Variants in RXRG observed in about 807,000 individuals in gnomAD.
RXRG encodes retinoid X receptor gamma, also known as retinoic acid receptor RXR-gamma.
RXRG carries 19 observed loss-of-function variants against 49.2 expected under a neutral mutation model. That is an observed-to-expected ratio of 0.39 (90% CI 0.27 to 0.57). RXRG has a LOEUF of 0.57. Among genes scored for constraint, RXRG ranks in the 20% least tolerant of loss-of-function variants. The probability of loss-of-function intolerance (pLI) is 0.64; values close to 1 mark genes in which losing one functional copy is unlikely to be tolerated. For missense variants in RXRG, 452 were observed against 592.5 expected (o/e 0.76, Z 2.46); for synonymous variants, 224 against 216.6 (o/e 1.03, Z -0.30).
At chr1:165,406,358 G>A (rs1471739502) in intron 9 of RXRG, among the ~76,000 whole-genome samples, 8 of 152,212 alleles carry the variant, frequency 5.3e-5, no homozygotes, top group Admixed American at 5.2e-4. Context: ...CTGCATGGGG[G>A]TTTCTATGGG....
chr1:165,435,419 T>A (rs1366612736), intron 1 of RXRG, among the ~76,000 whole-genome samples: 1 of 152,178 alleles, frequency 6.6e-6, no homozygotes, highest in African/African-American at 2.4e-5. Flanking sequence ...TTGAGCAAAC[T>A]GCCCAAGACC....
At chr1:165,408,128 G>T in intron 8 of RXRG, 99 bp downstream of exon 8, 1 of 898,000 alleles carries the variant, frequency 1.1e-6, no homozygotes, top group Non-Finnish European at 1.9e-6. Context: ...TGCCATCTGT[G>T]TCTCAGCTGA....
intron 1 of RXRG, among the ~76,000 whole-genome samples, chr1:165,430,448 A>T (rs1196619971): frequency 6.6e-6 from 1 of 152,148 alleles, no homozygotes; most frequent in African/African-American, 2.4e-5. Context: ...CTATTCTTAA[A>T]CGTAAATATT....
At chr1:165,412,476 T>C (rs1459962970) in intron 4 of RXRG, among the ~76,000 whole-genome samples, 2 of 152,190 alleles carry the variant, frequency 1.3e-5, no homozygotes, top group African/African-American at 4.8e-5. Context: ...GAAAACTTTT[T>C]CACATATAAC....
At chr1:165,436,877 C>A (rs943849498) in intron 1 of RXRG, 1 of 1,094,300 alleles carries the variant, frequency 9.1e-7, no homozygotes, top group Non-Finnish European at 1.1e-6. Flanking sequence ...AAAGATCAAT[C>A]CCAAACTCCT....
chr1:165,403,777 G>T (rs1657659115), intron 9 of RXRG, among the ~76,000 whole-genome samples: 1 of 152,180 alleles, frequency 6.6e-6, no homozygotes, highest in African/African-American at 2.4e-5. Context: ...ACTCTAAAAA[G>T]GCCACGATTT....
intron 4 of RXRG, among the ~76,000 whole-genome samples, chr1:165,415,492 G>T (rs908628263): frequency 2.6e-5 from 4 of 152,216 alleles, no homozygotes; most frequent in Admixed American, 2.0e-4. Context: ...GACAAAGATG[G>T]AAGCAGGGAG....
chr1:165,429,017 G>A lies in RXRG; in HGVS notation c.50-51C>T, dbSNP rs756002805. ...GGGAGGTTGGGGAACATGGAAAGGG[G>A]CCCTGGGGGACAGAGGCCTAGCCCC... is the stretch of plus-strand genomic sequence containing the variant. On this transcript the variant is annotated intron_variant, in intron 1 of 9. Coordinates refer to ENST00000359842, the MANE Select transcript of RXRG (RefSeq NM_006917.5). 10 of 1,578,158 alleles carry A rather than the reference G, an allele frequency of 6.3e-6. No individual in the cohort carries two copies. The East Asian group carries it at 1.8e-4, about 28-fold the overall frequency.
At chr1:165,407,637 A>G (rs1657797459) in intron 8 of RXRG, among the ~76,000 whole-genome samples, 1 of 152,202 alleles carries the variant, frequency 6.6e-6, no homozygotes, top group African/African-American at 2.4e-5. Flanking sequence ...GACAGCTCTC[A>G]GATGCACATG....
intron 1 of RXRG, among the ~76,000 whole-genome samples, chr1:165,439,796 AAC>A (rs1290412149): frequency 6.6e-6 from 1 of 152,244 alleles, no homozygotes; most frequent in East Asian, 1.9e-4. Context: ...GCACCAGTAA[AAC>A]AGTTATAAAA....
At position 165,401,140 on chromosome 1, in the gene RXRG, T is replaced by C; in HGVS notation, c.*123A>G. On this transcript the variant is annotated 3_prime_UTR_variant, in exon 10 of 10. Transcript: ENST00000359842. The stretch of plus-strand genomic sequence containing the variant: ...ATGTGTAGAAAGGTTTTCTTTATTA[T>C]AAGCATCACATTTTGGGGACAGGAA... 1.2e-6 allele frequency: 1 copy of C among 850,362 alleles called. No individual in the cohort carries two copies. The highest frequency in any genetic ancestry group is 1.7e-5 in the African/African-American group (1 of 58,880). 52.7% of individuals were successfully genotyped at this position (850,362 alleles called of 1,614,324 possible).
chr1:165,421,837 T>G (rs1257719554), intron 2 of RXRG, among the ~76,000 whole-genome samples: 2 of 152,194 alleles, frequency 1.3e-5, no homozygotes, highest in Non-Finnish European at 2.9e-5. Flanking sequence ...TGGCTGGCTC[T>G]GGCATTTCTT....
At chr1:165,408,118 T>G in intron 8 of RXRG, 109 bp downstream of exon 8, 3 of 842,262 alleles carry the variant, frequency 3.6e-6, no homozygotes, top group South Asian at 2.9e-5. Flanking sequence ...TTCCTGGCTC[T>G]GCCATCTGTG....
At chr1:165,409,994 G>T (rs3767341) in intron 6 of RXRG, among the ~76,000 whole-genome samples, 1 of 151,834 alleles carries the variant, frequency 6.6e-6, no homozygotes. Context: ...AACATTTAGC[G>T]GATAATAGTC....
intron 2 of RXRG, chr1:165,425,061 G>C (rs1431490239): frequency 2.0e-6 from 1 of 505,752 alleles, no homozygotes; most frequent in Non-Finnish European, 2.6e-6. Context: ...ACACAGCCCA[G>C]TTGGCCAGGA....
chr1:165,437,270 G>A, intron 1 of RXRG: 1 of 1,338,562 alleles, frequency 7.5e-7, no homozygotes, highest in Non-Finnish European at 1.0e-6. Flanking sequence ...TTGTATATGG[G>A]CTGTGTAAGA....
At chr1:165,408,176 C>T (rs1478035843) in intron 8 of RXRG, 51 bp downstream of exon 8, 1 of 1,371,560 alleles carries the variant, frequency 7.3e-7, no homozygotes. Flanking sequence ...TGGAGGTTGA[C>T]CGTGGAAGAG....
At chr1:165,408,531 G>A (rs545549311) in intron 7 of RXRG, among the ~76,000 whole-genome samples, 2 of 152,314 alleles carry the variant, frequency 1.3e-5, no homozygotes, top group South Asian at 2.1e-4. Flanking sequence ...GCAGCAGCAC[G>A]ATGCCCAGGA....
intron 4 of RXRG, among the ~76,000 whole-genome samples, chr1:165,416,791 C>T (rs1201923035): frequency 6.6e-6 from 1 of 152,190 alleles, no homozygotes; most frequent in Non-Finnish European, 1.5e-5. Context: ...AGGAAGATGC[C>T]TCTTGCCCTC....
Sources: gnomAD v4.1 joint callset for allele counts (sites outside exome capture counted in the v4.1 genomes callset) on GRCh38, gnomAD v4.1.1 for gene constraint, MANE v1.5 for transcripts, NCBI Gene and HGNC (gene_info 2026-07-23, HGNC 2026-07-21) for gene names.